The following PDE5A variants were observed in gnomAD, a reference collection of about 807,000 sequenced individuals.
PDE5A encodes phosphodiesterase 5A.
A neutral mutation model predicts 110.2 loss-of-function variants in PDE5A; 67 were observed. That is an observed-to-expected ratio of 0.61 (90% CI 0.50 to 0.75). The LOEUF (loss-of-function observed/expected upper bound fraction) is 0.75. PDE5A is among the 30% of genes least tolerant of loss of function. The pLI, the probability that PDE5A is intolerant of heterozygous loss-of-function variation, is 0.00. For missense variants in PDE5A, 862 were observed against 1,045.1 expected, an observed-to-expected ratio of 0.82 and a Z score of 2.42; for synonymous variants, 328 against 351.2, an observed-to-expected ratio of 0.93 and a Z score of 0.74.
intron 14 of PDE5A, among the ~76,000 whole-genome samples, chr4:119,517,822 T>C (rs1270846848): frequency 6.6e-6 from 1 of 152,086 alleles, no homozygotes; most frequent in Non-Finnish European, 1.5e-5. Flanking sequence ...GTGCTGACTG[T>C]GGAGAGGCGT....
At chr4:119,526,845 T>C (rs1375727727) in intron 11 of PDE5A, among the ~76,000 whole-genome samples, 5 of 152,124 alleles carry the variant, frequency 3.3e-5, no homozygotes, top group Non-Finnish European at 7.4e-5. Context: ...GCTAAGAATT[T>C]TTTCCCAAGA....
At chr4:119,572,502 G>A (rs1410715479) in intron 3 of PDE5A, among the ~76,000 whole-genome samples, 6 of 152,176 alleles carry the variant, frequency 3.9e-5, no homozygotes, top group Admixed American at 3.3e-4. Context: ...TTCTTAATAA[G>A]CCATTAATTA....
intron 9 of PDE5A, among the ~76,000 whole-genome samples, chr4:119,547,262 A>T (rs1228862959): frequency 6.6e-6 from 1 of 151,758 alleles, no homozygotes; most frequent in African/African-American, 2.4e-5. Flanking sequence ...TGTAATATCA[A>T]GTATCTTTTA....
chr4:119,500,755 T>G (rs1725283469), intron 20 of PDE5A: 1 of 153,114 alleles, frequency 6.5e-6, no homozygotes, highest in Admixed American at 6.5e-5. Flanking sequence ...ATATTCTACC[T>G]CCTTCCTTTT....
intron 16 of PDE5A, among the ~76,000 whole-genome samples, chr4:119,506,275 CATA>C (rs1407584826): frequency 6.6e-6 from 1 of 151,662 alleles, no homozygotes; most frequent in Non-Finnish European, 1.5e-5. Flanking sequence ...AAGTGCATGG[CATA>C]ATAAGATCTA....
intron 12 of PDE5A, among the ~76,000 whole-genome samples, chr4:119,524,291 C>G (rs1304311028): frequency 1.3e-5 from 2 of 152,108 alleles, no homozygotes; most frequent in East Asian, 1.9e-4. Context: ...CATGATCTTT[C>G]TACTCTACCA....
At chr4:119,574,283 A>G (rs985617681) in intron 3 of PDE5A, among the ~76,000 whole-genome samples, 3 of 146,998 alleles carry the variant, frequency 2.0e-5, no homozygotes, top group Non-Finnish European at 3.0e-5. Flanking sequence ...CCCGGGTTCA[A>G]GCAATTCTCC....
intron 16 of PDE5A, among the ~76,000 whole-genome samples, chr4:119,506,412 GAATATAAT>G (rs1560594597): frequency 6.6e-6 from 1 of 151,780 alleles, no homozygotes; most frequent in Non-Finnish European, 1.5e-5. Flanking sequence ...ATTATTCAGT[GAATATAAT>G]AATATTTGGT....
intron 4 of PDE5A, 71 bp downstream of exon 4, chr4:119,567,002 C>T: frequency 9.8e-7 from 1 of 1,024,434 alleles, no homozygotes; most frequent in Non-Finnish European, 1.5e-6. Context: ...ACAGCTAAAC[C>T]TAGAGGTGTA....
chr4:119,537,871 T>C (rs760615907), intron 11 of PDE5A, among the ~76,000 whole-genome samples: 3 of 151,984 alleles, frequency 2.0e-5, no homozygotes, highest in Non-Finnish European at 4.4e-5. Flanking sequence ...ATTCAAAAAT[T>C]ATAATGTTTT....
At chr4:119,618,674 T>C (rs1730029207) in intron 1 of PDE5A, among the ~76,000 whole-genome samples, 1 of 150,318 alleles carries the variant, frequency 6.7e-6, no homozygotes, top group Non-Finnish European at 1.5e-5. Context: ...TTTCCCAAAA[T>C]ATAAAAGTTA....
chr4:119,547,356 G>T (rs758179129), intron 9 of PDE5A, among the ~76,000 whole-genome samples: 31 of 151,328 alleles, frequency 2.0e-4, no homozygotes, highest in Non-Finnish European at 4.0e-4. Context: ...TCCGTTGGAG[G>T]TTCATCTATT....
At chr4:119,559,746 G>C (rs1244680737) in intron 7 of PDE5A, among the ~76,000 whole-genome samples, 1 of 152,176 alleles carries the variant, frequency 6.6e-6, no homozygotes, top group Admixed American at 6.5e-5. Flanking sequence ...AATAGGTGTG[G>C]AGACGGGATA....
intron 11 of PDE5A, among the ~76,000 whole-genome samples, chr4:119,530,468 C>A (rs1406940757): frequency 6.6e-6 from 1 of 151,972 alleles, no homozygotes; most frequent in African/African-American, 2.4e-5. Flanking sequence ...AGTGGAGCAC[C>A]AAGAAATGAA....
chr4:119,607,911 C>A (rs188716438), intron 1 of PDE5A, among the ~76,000 whole-genome samples: 58 of 152,282 alleles, frequency 3.8e-4, no homozygotes, highest in Non-Finnish European at 7.2e-4. Flanking sequence ...GTAAAAGACA[C>A]TAAATTTGCC....
In PDE5A at chr4:119,567,160, A is replaced by G; in HGVS notation, c.832-16T>C. On this transcript the variant is annotated splice_polypyrimidine_tract_variant and intron_variant, in intron 3 of 20. Transcript: ENST00000354960. The stretch of plus-strand genomic sequence containing the variant: ...CACCAACAACCTGGTATAAGGAGAG[A>G]AAAGCGACAATTTTTTTATTGACTG... 1 of 1,589,124 alleles carries G rather than the reference A, an allele frequency of 6.3e-7. No homozygotes were observed. Among genetic ancestry groups the G allele is most frequent in the South Asian group, 1.1e-5 (1 of 88,542 alleles).
At chr4:119,607,408 G>GT in intron 1 of PDE5A, 111 bp from the exon 2 acceptor site, 1 of 688,724 alleles carries the variant, frequency 1.5e-6, no homozygotes, top group Non-Finnish European at 2.4e-6. Flanking sequence ...AATTTGATAT[G>GT]TTATAGAAAA....
At chr4:119,590,242 A>G (rs1728919218) in intron 3 of PDE5A, among the ~76,000 whole-genome samples, 1 of 152,234 alleles carries the variant, frequency 6.6e-6, no homozygotes, top group African/African-American at 2.4e-5. Flanking sequence ...AATACTTGCC[A>G]GATCATTAGC....
intron 3 of PDE5A, among the ~76,000 whole-genome samples, chr4:119,575,289 C>A (rs4596225): frequency 6.6e-6 from 1 of 152,012 alleles, no homozygotes; most frequent in Non-Finnish European, 1.5e-5. Flanking sequence ...AGAACTTCCC[C>A]AATCTAGCAA....
Sources: gnomAD v4.1 joint callset for allele counts (sites outside exome capture counted in the v4.1 genomes callset) on GRCh38, gnomAD v4.1.1 for gene constraint, MANE v1.5 for transcripts, NCBI Gene and HGNC (gene_info 2026-07-23, HGNC 2026-07-21) for gene names.